Variants in TMEFF1 observed in about 807,000 individuals in gnomAD.
TMEFF1 encodes the protein tomoregulin-1.
In TMEFF1, 20 loss-of-function variants were observed where a neutral mutation model predicts 47.5. The observed-to-expected ratio is 0.42, with a 90% CI of 0.30 to 0.61. TMEFF1 has a LOEUF of 0.61. Among genes scored for constraint, TMEFF1 ranks in the 20% least tolerant of loss-of-function variants. TMEFF1 has a pLI of 0.19. For synonymous variants in TMEFF1, 162 were observed against 166.3 expected (o/e 0.97, Z 0.20); for missense variants, 411 against 471.1 (o/e 0.87, Z 1.18).
intron 9 of TMEFF1, among the ~76,000 whole-genome samples, chr9:100,575,738 T>C (rs1437179219): frequency 6.6e-6 from 1 of 152,086 alleles, no homozygotes; most frequent in Non-Finnish European, 1.5e-5. Flanking sequence ...TATAGGAGAA[T>C]TGAGGTTGCA....
At chr9:100,566,110 G>A (rs190518276) in intron 8 of TMEFF1, among the ~76,000 whole-genome samples, 1 of 152,272 alleles carries the variant, frequency 6.6e-6, no homozygotes, top group East Asian at 1.9e-4. Context: ...GAATTATACT[G>A]TCTCTTGTTT....
At chr9:100,496,726 A>T (rs961952663) in intron 1 of TMEFF1, among the ~76,000 whole-genome samples, 3 of 152,218 alleles carry the variant, frequency 2.0e-5, no homozygotes, top group Non-Finnish European at 4.4e-5. Context: ...ACAATTCAAG[A>T]GTCTCAAAGT....
At chr9:100,561,896 T>A (rs1839023572) in intron 8 of TMEFF1, among the ~76,000 whole-genome samples, 1 of 152,026 alleles carries the variant, frequency 6.6e-6, no homozygotes, top group Admixed American at 6.6e-5. Context: ...TAAAATAGAT[T>A]TCTAAAAATA....
intron 5 of TMEFF1, among the ~76,000 whole-genome samples, chr9:100,517,035 G>C (rs1395446300): frequency 6.6e-6 from 1 of 152,052 alleles, no homozygotes; most frequent in East Asian, 1.9e-4. Flanking sequence ...TAGTTTTATA[G>C]TTTTATGTAT....
At chr9:100,535,540 G>T (rs561052022) in intron 5 of TMEFF1, among the ~76,000 whole-genome samples, 3 of 152,344 alleles carry the variant, frequency 2.0e-5, no homozygotes, top group African/African-American at 7.2e-5. Context: ...GGAGGCCGAG[G>T]TGGGGGAATC....
intron 1 of TMEFF1, among the ~76,000 whole-genome samples, chr9:100,477,221 CG>C (rs1309605670): frequency 6.6e-6 from 1 of 152,108 alleles, no homozygotes; most frequent in Non-Finnish European, 1.5e-5. Context: ...TGGAACCCTG[CG>C]ACATATTACT....
intron 7 of TMEFF1, among the ~76,000 whole-genome samples, chr9:100,550,905 T>C (rs1665034729): frequency 6.6e-6 from 1 of 152,252 alleles, no homozygotes; most frequent in Non-Finnish European, 1.5e-5. Flanking sequence ...AGAGGCTGGA[T>C]TCCAGGTCCC....
intron 5 of TMEFF1, 100 bp from the exon 6 acceptor site, chr9:100,547,644 T>A (rs1838760793): frequency 7.7e-7 from 1 of 1,303,682 alleles, no homozygotes; most frequent in Admixed American, 3.0e-5. Context: ...TATTGACTTC[T>A]GTTACAGAAA....
intron 1 of TMEFF1, among the ~76,000 whole-genome samples, chr9:100,488,121 G>A (rs1837485160): frequency 6.6e-6 from 1 of 152,120 alleles, no homozygotes; most frequent in African/African-American, 2.4e-5. Flanking sequence ...TTAAAAAACA[G>A]TTTAATGAAG....
chr9:100,545,132 C>T (rs1480864745), intron 5 of TMEFF1, among the ~76,000 whole-genome samples: 3 of 152,190 alleles, frequency 2.0e-5, no homozygotes, highest in Non-Finnish European at 2.9e-5. Flanking sequence ...GTGGCCCTCT[C>T]CTCACAGCTC....
chr9:100,513,047 T>C (rs186352022), intron 3 of TMEFF1, among the ~76,000 whole-genome samples: 133 of 152,286 alleles, frequency 8.7e-4, no homozygotes, highest in African/African-American at 3.0e-3. Context: ...TTATTGTCTT[T>C]ACTCTGTGCA....
chr9:100,557,008 G>C (rs1172321380), intron 7 of TMEFF1, among the ~76,000 whole-genome samples: 1 of 150,816 alleles, frequency 6.6e-6, no homozygotes, highest in Non-Finnish European at 1.5e-5. Context: ...CCCATTCCCA[G>C]TTAATGGATT....
chr9:100,487,768 CCTT>C (rs1837477936), intron 1 of TMEFF1, among the ~76,000 whole-genome samples: 1 of 138,860 alleles, frequency 7.2e-6, no homozygotes, highest in Non-Finnish European at 1.6e-5. Context: ...TTATTATACT[CCTT>C]TTTTTTTTTT....
chr9:100,525,907 G>C (rs941898715), intron 5 of TMEFF1, among the ~76,000 whole-genome samples: 1 of 151,976 alleles, frequency 6.6e-6, no homozygotes, highest in Admixed American at 6.6e-5. Context: ...AAATTCCTTT[G>C]TCTCTCTCTC....
chr9:100,521,313 G>A (rs986870417), intron 5 of TMEFF1, among the ~76,000 whole-genome samples: 2 of 152,078 alleles, frequency 1.3e-5, no homozygotes, highest in Non-Finnish European at 2.9e-5. Flanking sequence ...TGGCATCGTG[G>A]GCTTTGCTTG....
chr9:100,501,811 A>G (rs1175349494), intron 2 of TMEFF1, among the ~76,000 whole-genome samples: 1 of 151,902 alleles, frequency 6.6e-6, no homozygotes, highest in African/African-American at 2.4e-5. Context: ...CACCCAGCTA[A>G]TTTTTGTGTT....
At chr9:100,543,032 G>A (rs1838663394) in intron 5 of TMEFF1, among the ~76,000 whole-genome samples, 1 of 150,514 alleles carries the variant, frequency 6.6e-6, no homozygotes, top group Non-Finnish European at 1.5e-5. Flanking sequence ...GGCTTCAAGC[G>A]ATTCTCCTGC....
At chr9:100,538,040 A>G (rs1209575965) in intron 5 of TMEFF1, among the ~76,000 whole-genome samples, 2 of 152,018 alleles carry the variant, frequency 1.3e-5, no homozygotes, top group Non-Finnish European at 2.9e-5. Context: ...TTGTGAATCT[A>G]CCTCCCAAGG....
chr9:100,491,324 GA>G (rs910275444), intron 1 of TMEFF1, among the ~76,000 whole-genome samples: 4 of 152,126 alleles, frequency 2.6e-5, no homozygotes, highest in African/African-American at 9.7e-5. Context: ...TTGCTTTTCT[GA>G]AAAAGGGCAG....
Sources: gnomAD v4.1 joint callset for allele counts (sites outside exome capture counted in the v4.1 genomes callset) on GRCh38, gnomAD v4.1.1 for gene constraint, MANE v1.5 for transcripts, NCBI Gene and HGNC (gene_info 2026-07-23, HGNC 2026-07-21) for gene names.